SETBP1: variants seen among roughly 807,000 people sequenced by gnomAD.
The protein encoded by SETBP1 is SET binding protein 1.
SETBP1 carries 9 observed loss-of-function variants against 101.0 expected under a neutral mutation model. The ratio of observed to expected loss-of-function variants is 0.09; its 90% CI spans 0.05 to 0.16. The LOEUF is 0.16. Ranked by LOEUF, SETBP1 falls within the 10% of genes least tolerant of loss-of-function variation. SETBP1 has a pLI of 1.00. For synonymous variants in SETBP1, 818 were observed against 788.5 expected, an observed-to-expected ratio of 1.04 and a Z score of -0.63; for missense variants, 1,858 against 2,033.8, an observed-to-expected ratio of 0.91 and a Z score of 1.66.
intron 2 of SETBP1, among the ~76,000 whole-genome samples, chr18:44,772,720 G>T (rs2070901786): frequency 6.6e-6 from 1 of 152,082 alleles, no homozygotes; most frequent in Non-Finnish European, 1.5e-5. Flanking sequence ...CCTTACCCAG[G>T]TTTCTTAATG....
At chr18:44,686,592 C>G (rs937403554) in intron 1 of SETBP1, among the ~76,000 whole-genome samples, 1 of 152,228 alleles carries the variant, frequency 6.6e-6, no homozygotes, top group Non-Finnish European at 1.5e-5. Flanking sequence ...TTTTCCCACA[C>G]AGCCCTGAAC....
Position 44,869,548 on chromosome 18 carries a change from TAAG to T in SETBP1, c.540+266_540+268del, listed in dbSNP as rs1599252046. On this transcript the variant is annotated intron_variant, in intron 3 of 5. Coordinates refer to ENST00000649279, the MANE Select transcript of SETBP1 (RefSeq NM_015559.3). ...ATAGAGATCAAGATGCTCGGAATGT[TAAG>T]TGTTGGGGATTCAGCTTAGGAAAGG... 8.8e-6 allele frequency: 4 copies of T among 453,388 alleles called. No individual in the cohort carries two copies. In the East Asian group the frequency reaches 1.8e-4, roughly 20 times the overall value. The allele number at this position is 453,388 out of a possible 1,614,324, so 28.1% of individuals were successfully genotyped here.
At chr18:44,766,258 G>A (rs185099509) in intron 2 of SETBP1, among the ~76,000 whole-genome samples, 1 of 152,228 alleles carries the variant, frequency 6.6e-6, no homozygotes, top group African/African-American at 2.4e-5. Flanking sequence ...GGGTCATGGG[G>A]CTTGGCTTCA....
chr18:45,051,234 T>C (rs1288076698), intron 5 of SETBP1, among the ~76,000 whole-genome samples: 1 of 152,182 alleles, frequency 6.6e-6, no homozygotes, highest in Admixed American at 6.5e-5. Flanking sequence ...GGAAAGATGA[T>C]GAATGAGCTT....
chr18:44,997,045 G>A (rs73952943), intron 4 of SETBP1, among the ~76,000 whole-genome samples: 6,923 of 152,224 alleles, frequency 0.045, 560 homozygotes, highest in African/African-American at 0.16. Context: ...CACAGGTGGC[G>A]TAATCAGGGA....
At chr18:44,872,262 A>G (rs894266546) in intron 3 of SETBP1, 8 of 152,154 alleles carry the variant, frequency 5.3e-5, no homozygotes, top group Non-Finnish European at 1.2e-4. Context: ...GTAAGTGTCC[A>G]TTGTAGAAAT....
chr18:44,840,708 A>C (rs1375166346), intron 2 of SETBP1, among the ~76,000 whole-genome samples: 1 of 152,200 alleles, frequency 6.6e-6, no homozygotes, highest in Non-Finnish European at 1.5e-5. Flanking sequence ...TGAAACTGCC[A>C]AGGGTTTTGT....
At chr18:44,743,859 G>C (rs1340353234) in intron 2 of SETBP1, among the ~76,000 whole-genome samples, 1 of 152,138 alleles carries the variant, frequency 6.6e-6, no homozygotes, top group Non-Finnish European at 1.5e-5. Context: ...GCAGGATCTC[G>C]GAGAAGTGAG....
rs552125294 is a variant in SETBP1 at position 44,978,326 on chromosome 18, G to A, written c.4000+24986G>A. Among the ~76,000 whole-genome samples, 5 of 152,264 alleles carry A rather than the reference G, an allele frequency of 3.3e-5. No homozygotes were observed. The South Asian group carries it at 6.2e-4, about 19-fold the overall frequency. On this transcript the variant is annotated intron_variant, in intron 4 of 5. Transcript: ENST00000649279. ...ATTCCGACTGCAGAGTGATCAAGGAGAGAAACTGGAAGCTGGGCCCAGGGA... is the reference window on the plus strand; with the variant it reads ...ATTCCGACTGCAGAGTGATCAAGGAAAGAAACTGGAAGCTGGGCCCAGGGA...
intron 2 of SETBP1, among the ~76,000 whole-genome samples, chr18:44,754,492 A>G (rs1019857052): frequency 6.6e-6 from 1 of 152,136 alleles, no homozygotes; most frequent in African/African-American, 2.4e-5. Flanking sequence ...AGTGGATTTG[A>G]ATTTTTTTTA....
intron 5 of SETBP1, among the ~76,000 whole-genome samples, chr18:45,058,593 A>G (rs148786296): frequency 6.6e-6 from 1 of 152,350 alleles, no homozygotes; most frequent in East Asian, 1.9e-4. Flanking sequence ...CTTGTTTTCC[A>G]GCTTCTTCTA....
chr18:44,753,010 TAGAG>T (rs2070419613), intron 2 of SETBP1, among the ~76,000 whole-genome samples: 2 of 152,218 alleles, frequency 1.3e-5, no homozygotes, highest in East Asian at 3.9e-4. Context: ...AACCAAGACT[TAGAG>T]AGGATTAGTA....
chr18:44,903,198 A>G (rs1467645392), intron 3 of SETBP1, among the ~76,000 whole-genome samples: 1 of 151,994 alleles, frequency 6.6e-6, no homozygotes, highest in Non-Finnish European at 1.5e-5. Flanking sequence ...AAACACACCC[A>G]CCTGTTCCTA....
chr18:45,033,016 CA>C, intron 4 of SETBP1, among the ~76,000 whole-genome samples: 1 of 151,924 alleles, frequency 6.6e-6, no homozygotes, highest in Non-Finnish European at 1.5e-5. Flanking sequence ...GACTTTGGCA[CA>C]AAAAAATATT....
intron 2 of SETBP1, among the ~76,000 whole-genome samples, chr18:44,766,191 T>C (rs1039031390): frequency 8.5e-5 from 13 of 152,348 alleles, no homozygotes; most frequent in East Asian, 3.9e-4. Flanking sequence ...TCAGTCCACA[T>C]TGAAATACAG....
chr18:44,720,901 A>AC (rs1207713861), intron 2 of SETBP1, among the ~76,000 whole-genome samples: 2,148 of 90,118 alleles, frequency 0.024, 63 homozygotes, highest in African/African-American at 0.047. Flanking sequence ...GAGCCCTCCA[A>AC]CCCCCACCCC....
intron 2 of SETBP1, among the ~76,000 whole-genome samples, chr18:44,844,629 C>T (rs1126225): frequency 0.36 from 54,059 of 152,014 alleles, 10,051 homozygotes; most frequent in Non-Finnish European, 0.41. Flanking sequence ...CCTCCACCCA[C>T]GATCATGAGA....
chr18:45,020,258 TAAAAAAAAAAAA>T (rs57134217), intron 4 of SETBP1, among the ~76,000 whole-genome samples: 694 of 53,044 alleles, frequency 0.013, 35 homozygotes, highest in South Asian at 0.022. Context: ...GACTCTGTCT[TAAAAAAAAAAAA>T]AAAAAAAAAA....
At chr18:44,779,946 G>GCACGCACACACGCATGCACACACA (rs2071090134) in intron 2 of SETBP1, among the ~76,000 whole-genome samples, 1 of 150,764 alleles carries the variant, frequency 6.6e-6, no homozygotes, top group Admixed American at 6.6e-5. Flanking sequence ...ACACACACAC[G>GCACGCACACACGCATGCACACACA]CACGCACACA....
Sources: allele counts gnomAD v4.1 joint callset (sites outside exome capture counted in the v4.1 genomes callset), GRCh38; gene constraint gnomAD v4.1.1; transcripts MANE v1.5; gene names NCBI Gene and HGNC (gene_info 2026-07-23, HGNC 2026-07-21).